The following THSD7A variants were observed in gnomAD, a reference collection of about 807,000 sequenced individuals.
THSD7A encodes the protein thrombospondin type-1 domain-containing protein 7A.
A neutral mutation model predicts 231.3 loss-of-function variants in THSD7A; 96 were observed. That is an observed-to-expected ratio of 0.41 (90% confidence interval 0.35 to 0.49). The LOEUF (loss-of-function observed/expected upper bound fraction) is 0.49, where lower values mean the gene tolerates loss of function less well. THSD7A is among the 20% of genes least tolerant of loss of function. THSD7A has a pLI of 0.05. For synonymous variants in THSD7A, 940 were observed against 743.3 expected, an observed-to-expected ratio of 1.26 and a Z score of -4.30; for missense variants, 2,290 against 2,070.2, an observed-to-expected ratio of 1.11 and a Z score of -2.06.
At chr7:11,783,297 A>G (rs1384596125) in intron 1 of THSD7A, among the ~76,000 whole-genome samples, 1 of 152,186 alleles carries the variant, frequency 6.6e-6, no homozygotes, top group Non-Finnish European at 1.5e-5. Context: ...GGTGGGCAAA[A>G]TCATCTAACA....
chr7:11,616,612 T>A (rs543324753), intron 2 of THSD7A, among the ~76,000 whole-genome samples: 2 of 152,328 alleles, frequency 1.3e-5, no homozygotes, highest in South Asian at 2.1e-4. Flanking sequence ...TCTTACTCAC[T>A]TAAGTGCCAG....
chr7:11,379,386 A>T lies in THSD7A; in HGVS notation c.4591-106T>A, dbSNP rs1026294779. 50 of 1,100,280 alleles carry T rather than the reference A, an allele frequency of 4.5e-5. 2 individuals are homozygous for T. In the Admixed American group the frequency reaches 8.9e-4, roughly 20 times the overall value. The allele number at this position is 1,100,280 out of a possible 1,614,324, so 68.2% of individuals were successfully genotyped here. A position where few individuals can be genotyped will look rare whatever the true frequency, so the allele number is the denominator to read the frequency against. On this transcript the variant is annotated intron_variant, in intron 25 of 27. Transcript: ENST00000423059. ...TTAAACAAGGTTTGTTTTGGGAATT[A>T]CTATACATAATTCCTCTATTATTTT...
chr7:11,518,203 T>C (rs1477117821), intron 6 of THSD7A, among the ~76,000 whole-genome samples: 2 of 152,138 alleles, frequency 1.3e-5, no homozygotes, highest in Non-Finnish European at 2.9e-5. Flanking sequence ...ACAGTTTAAA[T>C]TGGAGACACA....
chr7:11,489,078 C>T (rs899794494), intron 6 of THSD7A, among the ~76,000 whole-genome samples: 1 of 152,108 alleles, frequency 6.6e-6, no homozygotes, highest in Non-Finnish European at 1.5e-5. Context: ...ACCTTTACTT[C>T]CATTAGCCTA....
intron 5 of THSD7A, among the ~76,000 whole-genome samples, chr7:11,542,235 G>A (rs1016070672): frequency 6.6e-6 from 1 of 152,160 alleles, no homozygotes; most frequent in Non-Finnish European, 1.5e-5. Context: ...GTCCTGCTTT[G>A]TGCTTTAATA....
intron 4 of THSD7A, among the ~76,000 whole-genome samples, chr7:11,565,065 A>G (rs992793842): frequency 3.9e-5 from 6 of 152,140 alleles, no homozygotes; most frequent in Admixed American, 3.9e-4. Flanking sequence ...TAAATAGGAC[A>G]TGTTGTAGAA....
chr7:11,445,646 C>A (rs980411164), intron 13 of THSD7A, among the ~76,000 whole-genome samples: 1 of 151,924 alleles, frequency 6.6e-6, no homozygotes, highest in Non-Finnish European at 1.5e-5. Context: ...GCAAATCTTG[C>A]CAGTTTAGGT....
chr7:11,389,691 T>C (rs1782906703), intron 23 of THSD7A, among the ~76,000 whole-genome samples: 1 of 151,998 alleles, frequency 6.6e-6, no homozygotes, highest in Non-Finnish European at 1.5e-5. Context: ...TTGTGCCTGT[T>C]AGTTGATGCA....
At chr7:11,403,423 C>A in intron 22 of THSD7A, among the ~76,000 whole-genome samples, 1 of 151,914 alleles carries the variant, frequency 6.6e-6, no homozygotes. Flanking sequence ...TTTGGAAATG[C>A]AAAGGAAAAA....
chr7:11,567,560 AT>A lies in THSD7A; in HGVS notation c.1453+22899del, dbSNP rs1404999097. On this transcript the variant is annotated intron_variant, in intron 4 of 27. Coordinates refer to ENST00000423059, the MANE Select transcript of THSD7A (RefSeq NM_015204.3). ...GATGTTCATTCCAAATAGAGCAATA[AT>A]TCTCACCCTGGGCCATAACTGGAAT... Among the ~76,000 whole-genome samples, 6 of 152,274 alleles carry A rather than the reference AT, an allele frequency of 3.9e-5. No homozygotes were observed. The East Asian group carries it at 1.2e-3, about 29-fold the overall frequency.
chr7:11,604,483 T>A (rs1321652795), intron 2 of THSD7A, among the ~76,000 whole-genome samples: 3 of 152,146 alleles, frequency 2.0e-5, no homozygotes, highest in African/African-American at 4.8e-5. Flanking sequence ...TGCATCACTT[T>A]AAAAAAACAT....
chr7:11,488,076 G>C, intron 6 of THSD7A, among the ~76,000 whole-genome samples: 1 of 152,158 alleles, frequency 6.6e-6, no homozygotes, highest in Non-Finnish European at 1.5e-5. Flanking sequence ...GAAGCAGAGA[G>C]GGACCAGACA....
chr7:11,734,935 G>C (rs1012749540), intron 1 of THSD7A, among the ~76,000 whole-genome samples: 1 of 151,888 alleles, frequency 6.6e-6, no homozygotes, highest in African/African-American at 2.4e-5. Flanking sequence ...TAGAGGACCA[G>C]ATTTGATTAT....
intron 23 of THSD7A, chr7:11,383,806 A>T (rs1477624392): frequency 6.6e-6 from 1 of 151,970 alleles, no homozygotes; most frequent in East Asian, 1.9e-4. Context: ...GAAATTCTTC[A>T]TTCTGGAACA....
chr7:11,804,647 G>A (rs1182581430), intron 1 of THSD7A, among the ~76,000 whole-genome samples: 1 of 152,140 alleles, frequency 6.6e-6, no homozygotes, highest in African/African-American at 2.4e-5. Flanking sequence ...ATGAAATCAT[G>A]TGACTTTCTA....
At chr7:11,716,116 T>C (rs189780857) in intron 1 of THSD7A, among the ~76,000 whole-genome samples, 2 of 151,666 alleles carry the variant, frequency 1.3e-5, no homozygotes, top group Non-Finnish European at 3.0e-5. Flanking sequence ...CTACTTACCC[T>C]TCTTTCTAGC....
At position 11,481,768 on chromosome 7, in the gene THSD7A, G is replaced by T. The variant is rs774745962; in HGVS notation, c.2017+20C>A. On this transcript the variant is annotated intron_variant, in intron 7 of 27. Coordinates refer to ENST00000423059, the MANE Select transcript of THSD7A (RefSeq NM_015204.3). ...AACTTTTGAAACGAACCTAGATGGCGTCTGAAGCTGGCGACTCACCTTCTT... is the reference window on the plus strand; with the variant it reads ...AACTTTTGAAACGAACCTAGATGGCTTCTGAAGCTGGCGACTCACCTTCTT... The T allele has an allele frequency of 3.8e-6, 6 of 1,576,992 alleles. No individual in the cohort carries two copies. The highest frequency in any genetic ancestry group is 2.3e-5 in the South Asian group (2 of 86,088).
At chr7:11,791,367 A>G (rs1316730178) in intron 1 of THSD7A, among the ~76,000 whole-genome samples, 1 of 151,982 alleles carries the variant, frequency 6.6e-6, no homozygotes, top group Admixed American at 6.6e-5. Flanking sequence ...CTTTCCTCTC[A>G]TACTGATAAA....
intron 1 of THSD7A, among the ~76,000 whole-genome samples, chr7:11,691,585 T>C (rs1231110751): frequency 1.3e-5 from 2 of 151,434 alleles, no homozygotes; most frequent in African/African-American, 4.8e-5. Context: ...CTCTATCTTA[T>C]AATATCTATA....
Sources: allele counts gnomAD v4.1 joint callset (sites outside exome capture counted in the v4.1 genomes callset), GRCh38; gene constraint gnomAD v4.1.1; transcripts MANE v1.5; gene names NCBI Gene and HGNC (gene_info 2026-07-23, HGNC 2026-07-21).